EPHA3: variants seen among roughly 807,000 people sequenced by gnomAD.
EPHA3 encodes the protein ephrin type-A receptor 3.
EPHA3 carries 42 observed loss-of-function variants against 107.1 expected under a neutral mutation model. The ratio of observed to expected loss-of-function variants is 0.39; its 90% CI spans 0.31 to 0.51. EPHA3 has a LOEUF of 0.51. Ranked by LOEUF, EPHA3 falls within the 20% of genes least tolerant of loss-of-function variation. EPHA3 has a pLI of 0.78. For synonymous variants in EPHA3, 461 were observed against 424.8 expected (o/e 1.09, Z -1.05); for missense variants, 1,183 against 1,211.2 (o/e 0.98, Z 0.35).
At chr3:89,114,965 G>A (rs1413418788) in intron 1 of EPHA3, among the ~76,000 whole-genome samples, 4 of 152,188 alleles carry the variant, frequency 2.6e-5, no homozygotes, top group African/African-American at 4.8e-5. Context: ...TCGCATTGCT[G>A]TCAGCTAGGC....
chr3:89,254,119 A>G (rs1347339246), intron 3 of EPHA3, among the ~76,000 whole-genome samples: 1 of 152,168 alleles, frequency 6.6e-6, no homozygotes, highest in Non-Finnish European at 1.5e-5. Flanking sequence ...TTTATATGTT[A>G]TTCTATAGTA....
chr3:89,157,591 C>A (rs1704834795), intron 2 of EPHA3, among the ~76,000 whole-genome samples: 1 of 151,920 alleles, frequency 6.6e-6, no homozygotes. Flanking sequence ...CTGCTCCAAG[C>A]AGATGACTGT....
At chr3:89,431,438 A>G (rs1709567506) in intron 13 of EPHA3, 79 bp downstream of exon 13, 12 of 1,246,668 alleles carry the variant, frequency 9.6e-6, no homozygotes, top group Non-Finnish European at 1.2e-5. Flanking sequence ...AGTAGAAATC[A>G]TGACCCAAAA....
chr3:89,223,704 T>C (rs1052384657), intron 3 of EPHA3, among the ~76,000 whole-genome samples: 1 of 152,216 alleles, frequency 6.6e-6, no homozygotes, highest in African/African-American at 2.4e-5. Flanking sequence ...CTTTATACAT[T>C]TGGATTTTGT....
intron 3 of EPHA3, among the ~76,000 whole-genome samples, chr3:89,261,595 A>G (rs1340570782): frequency 6.6e-6 from 1 of 152,154 alleles, no homozygotes; most frequent in Admixed American, 6.6e-5. Context: ...GTATATAATA[A>G]GTGCTCAAAA....
chr3:89,476,745 G>C (rs13321079), intron 16 of EPHA3, among the ~76,000 whole-genome samples: 2,050 of 151,476 alleles, frequency 0.014, 35 homozygotes, highest in African/African-American at 0.043. Context: ...GTAGCTGGGA[G>C]TACAGGCGCC....
chr3:89,480,491 C>T lies in EPHA3; in HGVS notation c.*989C>T, dbSNP rs1408128260. The T allele has an allele frequency of 4.3e-6, 1 of 233,146 alleles. No homozygotes were observed. The highest frequency in any genetic ancestry group is 5.6e-5 in the Admixed American group (1 of 17,744). 14.4% of individuals were successfully genotyped at this position (233,146 alleles called of 1,614,324 possible). On this transcript the variant is annotated 3_prime_UTR_variant, in exon 17 of 17. Coordinates refer to ENST00000336596, the MANE Select transcript of EPHA3 (RefSeq NM_005233.6). ...CCTTTCCTGCTCTGGTGCTTAGAGA[C>T]TATCAACTCCCTCCTTTAGTGAAGG...
chr3:89,138,332 G>T (rs1704358518), intron 2 of EPHA3, among the ~76,000 whole-genome samples: 2 of 151,732 alleles, frequency 1.3e-5, no homozygotes, highest in Non-Finnish European at 2.9e-5. Context: ...ACCACATGTA[G>T]TATCTTCAAT....
chr3:89,419,147 C>T (rs1165196088), intron 10 of EPHA3, 58 bp from the exon 11 acceptor site: 4 of 1,487,632 alleles, frequency 2.7e-6, no homozygotes, highest in African/African-American at 2.8e-5. Flanking sequence ...TTGCTCTCTA[C>T]TGATGAATTT....
chr3:89,113,888 T>C (rs1246136927), intron 1 of EPHA3, among the ~76,000 whole-genome samples: 2 of 152,146 alleles, frequency 1.3e-5, no homozygotes, highest in Non-Finnish European at 2.9e-5. Context: ...CGAATGCATG[T>C]GGAGGGGTGG....
chr3:89,360,538 T>A (rs1708072062), intron 5 of EPHA3, among the ~76,000 whole-genome samples: 2 of 151,070 alleles, frequency 1.3e-5, no homozygotes, highest in South Asian at 4.2e-4. Context: ...TCTCTCAAAC[T>A]GTATATCTAC....
intron 2 of EPHA3, among the ~76,000 whole-genome samples, chr3:89,204,092 C>G (rs1329585786): frequency 6.6e-6 from 1 of 152,154 alleles, no homozygotes; most frequent in Non-Finnish European, 1.5e-5. Context: ...TTACATGATT[C>G]TGTTCCTAGC....
intron 15 of EPHA3, among the ~76,000 whole-genome samples, chr3:89,468,113 C>A (rs985122036): frequency 2.0e-5 from 3 of 152,134 alleles, no homozygotes; most frequent in African/African-American, 7.2e-5. Context: ...AAATTCCTAT[C>A]CATTGATAAA....
intron 2 of EPHA3, among the ~76,000 whole-genome samples, chr3:89,161,566 T>C (rs1704942715): frequency 6.6e-6 from 1 of 152,190 alleles, no homozygotes; most frequent in Non-Finnish European, 1.5e-5. Flanking sequence ...TATACCATGA[T>C]TTATTTAATT....
chr3:89,115,663 C>T (rs1466096580), intron 1 of EPHA3, among the ~76,000 whole-genome samples: 2 of 152,152 alleles, frequency 1.3e-5, no homozygotes, highest in Admixed American at 6.5e-5. Context: ...AGATTTTTCC[C>T]TTACATTATC....
intron 2 of EPHA3, among the ~76,000 whole-genome samples, chr3:89,138,732 A>G (rs943627897): frequency 6.6e-6 from 1 of 151,900 alleles, no homozygotes; most frequent in Non-Finnish European, 1.5e-5. Flanking sequence ...CTTTGGTTAT[A>G]TATCTTGAGG....
At chr3:89,397,652 C>T (rs1172397477) in intron 6 of EPHA3, among the ~76,000 whole-genome samples, 3 of 147,078 alleles carry the variant, frequency 2.0e-5, no homozygotes, top group Admixed American at 1.4e-4. Flanking sequence ...GGCATGATCT[C>T]GGCTCACCGC....
At chr3:89,263,158 T>C (rs9853389) in intron 3 of EPHA3, among the ~76,000 whole-genome samples, 75,383 of 151,276 alleles carry the variant, frequency 0.5, 19,752 homozygotes, top group African/African-American at 0.66. Context: ...GCGTGATGAT[T>C]CCCTCCCTGT....
At chr3:89,477,985 A>G (rs527657502) in intron 16 of EPHA3, among the ~76,000 whole-genome samples, 1 of 152,328 alleles carries the variant, frequency 6.6e-6, no homozygotes, top group African/African-American at 2.4e-5. Context: ...AAGTGCAGAT[A>G]CAAGTACAGA....
Sources: gnomAD v4.1 joint callset for allele counts (sites outside exome capture counted in the v4.1 genomes callset) on GRCh38, gnomAD v4.1.1 for gene constraint, MANE v1.5 for transcripts, NCBI Gene and HGNC (gene_info 2026-07-23, HGNC 2026-07-21) for gene names.